NRCAM: variants seen among roughly 807,000 people sequenced by gnomAD.
The protein encoded by NRCAM is neuronal cell adhesion molecule, also known as NgCAM-related cell adhesion molecule.
In NRCAM, 83 loss-of-function variants were observed where a neutral mutation model predicts 156.5. The observed-to-expected ratio is 0.53, with a 90% CI of 0.44 to 0.64. NRCAM has a LOEUF of 0.64. Among genes scored for constraint, NRCAM ranks in the 30% least tolerant of loss-of-function variants. NRCAM has a pLI of 0.00. For synonymous variants in NRCAM, 538 were observed against 563.9 expected (o/e 0.95, Z 0.65); for missense variants, 1,417 against 1,597.3 (o/e 0.89, Z 1.92).
intron 1 of NRCAM, among the ~76,000 whole-genome samples, chr7:108,423,225 TG>T (rs1427668382): frequency 2.0e-5 from 3 of 151,830 alleles, no homozygotes; most frequent in Non-Finnish European, 2.9e-5. Context: ...CAGAGGTAGC[TG>T]AGGGGAGAAA....
At chr7:108,256,064 G>A (rs548000834) in intron 3 of NRCAM, among the ~76,000 whole-genome samples, 4 of 141,178 alleles carry the variant, frequency 2.8e-5, no homozygotes, top group East Asian at 2.2e-4. Flanking sequence ...GCCTCTGCCC[G>A]GCCGCCCCTT....
chr7:108,392,499 T>A (rs1042622237), intron 2 of NRCAM, among the ~76,000 whole-genome samples: 14 of 152,212 alleles, frequency 9.2e-5, no homozygotes, highest in Admixed American at 5.9e-4. Context: ...GTTTTTGGCT[T>A]CTTTGCGATG....
At chr7:108,244,214 A>G (rs990404163) in intron 3 of NRCAM, among the ~76,000 whole-genome samples, 6 of 152,078 alleles carry the variant, frequency 3.9e-5, no homozygotes, top group African/African-American at 1.4e-4. Flanking sequence ...CAGCATCCCA[A>G]CATGGGTGGG....
intron 20 of NRCAM, among the ~76,000 whole-genome samples, chr7:108,188,450 G>A (rs551131747): frequency 9.9e-5 from 15 of 151,896 alleles, no homozygotes; most frequent in African/African-American, 3.4e-4. Context: ...GCTTAATAAT[G>A]TATTATTAAT....
Position 108,255,960 on chromosome 7 carries a change from G to A in NRCAM, c.-106-15790C>T, listed in dbSNP as rs562863110. 5.4e-3 allele frequency among the ~76,000 whole-genome samples: 703 copies of A among 129,434 alleles called. 6 individuals carry two copies. Among genetic ancestry groups the A allele is most frequent in the African/African-American group, 0.021 (671 of 31,626 alleles). The allele number at this position is 129,434 out of a possible 152,430, so 84.9% of individuals were successfully genotyped here. On this transcript the variant is annotated intron_variant, in intron 3 of 32. Transcript: ENST00000379028. ...CAGCCGCCCTGTCCGGGAGGGAGGT[G>A]GGGGGCAGCCCCCGCCCGGCCAGCT...
intron 1 of NRCAM, among the ~76,000 whole-genome samples, chr7:108,404,433 ATCTCAT>A (rs2099801774): frequency 6.6e-6 from 1 of 152,174 alleles, no homozygotes; most frequent in Non-Finnish European, 1.5e-5. Flanking sequence ...CATAGAGGTA[ATCTCAT>A]TTAATACTGA....
chr7:108,149,774 G>C lies in NRCAM; in HGVS notation c.*136C>G. On this transcript the variant is annotated 3_prime_UTR_variant, in exon 33 of 33. Transcript: ENST00000379028. The stretch of plus-strand genomic sequence containing the variant: ...CATTTGACTGAGTTATGTTTTTGCT[G>C]TAACTATTCTCATAATACTAACATA... 1 of 716,354 alleles carries C rather than the reference G, an allele frequency of 1.4e-6. No individual in the cohort carries two copies. Among genetic ancestry groups the C allele is most frequent in the Non-Finnish European group, 2.4e-6 (1 of 422,678 alleles). 44.4% of individuals were successfully genotyped at this position (716,354 alleles called of 1,614,324 possible).
intron 1 of NRCAM, among the ~76,000 whole-genome samples, chr7:108,417,495 C>T (rs1292712986): frequency 6.6e-6 from 1 of 152,156 alleles, no homozygotes; most frequent in Non-Finnish European, 1.5e-5. Context: ...ACAGTCCCAC[C>T]TCTTCATACT....
intron 3 of NRCAM, among the ~76,000 whole-genome samples, chr7:108,246,862 C>T (rs901998928): frequency 5.3e-5 from 8 of 152,208 alleles, no homozygotes; most frequent in Non-Finnish European, 8.8e-5. Flanking sequence ...TATCCATGCC[C>T]TTGCATAGTC....
At chr7:108,451,642 A>G (rs1421119531) in intron 1 of NRCAM, among the ~76,000 whole-genome samples, 1 of 152,240 alleles carries the variant, frequency 6.6e-6, no homozygotes, top group Non-Finnish European at 1.5e-5. Context: ...GGAAATTCTG[A>G]CACATGGATC....
At chr7:108,179,852 T>C (rs2062547547) in intron 25 of NRCAM, among the ~76,000 whole-genome samples, 1 of 152,252 alleles carries the variant, frequency 6.6e-6, no homozygotes, top group African/African-American at 2.4e-5. Context: ...TTATCTAATT[T>C]GGTTCTCATG....
At chr7:108,171,049 T>C (rs1398611901) in intron 28 of NRCAM, among the ~76,000 whole-genome samples, 3 of 152,228 alleles carry the variant, frequency 2.0e-5, no homozygotes, top group Non-Finnish European at 2.9e-5. Flanking sequence ...TAAGGCATGC[T>C]GTTTAGCCAC....
chr7:108,301,355 T>C (rs2098607392), intron 3 of NRCAM, among the ~76,000 whole-genome samples: 1 of 152,146 alleles, frequency 6.6e-6, no homozygotes, highest in Non-Finnish European at 1.5e-5. Context: ...TTACAGAAAT[T>C]AAAATAAGTA....
intron 32 of NRCAM, among the ~76,000 whole-genome samples, chr7:108,156,076 C>T (rs1396790438): frequency 1.3e-5 from 2 of 152,078 alleles, no homozygotes; most frequent in African/African-American, 4.8e-5. Context: ...ACATTCATGA[C>T]CCAAATACTC....
At chr7:108,186,207 A>C (rs1002219100) in intron 20 of NRCAM, among the ~76,000 whole-genome samples, 6 of 152,210 alleles carry the variant, frequency 3.9e-5, no homozygotes, top group African/African-American at 9.7e-5. Flanking sequence ...TTCTCCTTTC[A>C]ATCCACATTC....
chr7:108,201,597 T>C (rs973894155), intron 13 of NRCAM, among the ~76,000 whole-genome samples: 35 of 152,194 alleles, frequency 2.3e-4, no homozygotes, highest in Admixed American at 2.2e-3. Context: ...ATAATAATAA[T>C]GTTACACGAC....
intron 2 of NRCAM, among the ~76,000 whole-genome samples, chr7:108,350,011 TG>T (rs1238318833): frequency 6.6e-6 from 1 of 152,210 alleles, no homozygotes; most frequent in Non-Finnish European, 1.5e-5. Context: ...TCACCCAAAA[TG>T]GCTCCTTTAG....
rs2081833703 is a variant in NRCAM, at chr7:108,207,557, C to T, written c.1178G>A (p.Ser393Asn). 1 of 1,613,858 alleles carries T rather than the reference C, an allele frequency of 6.2e-7. No homozygotes were observed. The highest frequency in any genetic ancestry group is 8.5e-7 in the Non-Finnish European group (1 of 1,179,968). Residue 393 changes from serine (S) to asparagine (N), a missense_variant, in exon 13 of 33, where the codon AGC becomes AAC. Ser to Asn is a conservative substitution (Grantham distance 46). Around this residue, in one of 2 missense-constraint regions of NRCAM, gnomAD observed 1,238 missense variants for 1,336.4 expected, o/e 0.93. Coordinates refer to ENST00000379028, the MANE Select transcript of NRCAM (RefSeq NM_001037132.4). ...RANGNPKPRISWLTNGVPIEI... is the reference protein window; with the variant it reads ...RANGNPKPRINWLTNGVPIEI... ...TATTGGGACTCCATTTGTTAACCAG[C>T]TAATTCTGGGTTTGGGGTTGCCATT...
intron 14 of NRCAM, among the ~76,000 whole-genome samples, chr7:108,197,606 A>G (rs2075831086): frequency 6.6e-6 from 1 of 152,204 alleles, no homozygotes; most frequent in Admixed American, 6.5e-5. Context: ...AATCATTGTT[A>G]TTCAACTTGT....
Sources: gnomAD v4.1 joint callset for allele counts (sites outside exome capture counted in the v4.1 genomes callset) on GRCh38, gnomAD v4.1.1 for gene constraint, gnomAD v4.1.1 regional missense constraint, MANE v1.5 for transcripts, NCBI Gene and HGNC (gene_info 2026-07-23, HGNC 2026-07-21) for gene names.